TAB2: variants seen among roughly 807,000 people sequenced by gnomAD.
TAB2 encodes the protein TGF-beta activated kinase 1 (MAP3K7) binding protein 2.
TAB2 carries 3 observed loss-of-function variants against 65.0 expected under a neutral mutation model. The observed-to-expected ratio is 0.05, with a 90% confidence interval of 0.02 to 0.12. The LOEUF (loss-of-function observed/expected upper bound fraction) is 0.12, where lower values mean the gene tolerates loss of function less well. Among genes scored for constraint, TAB2 ranks in the 10% least tolerant of loss-of-function variants. The probability of loss-of-function intolerance (pLI) is 1.00; values close to 1 mark genes in which losing one functional copy is unlikely to be tolerated. For synonymous variants in TAB2, 298 were observed against 285.1 expected (o/e 1.05, Z -0.46); for missense variants, 623 against 840.3 (o/e 0.74, Z 3.20).
chr6:149,379,967 T>C (rs754970005), intron 3 of TAB2: 11 of 450,982 alleles, frequency 2.4e-5, no homozygotes, highest in South Asian at 1.6e-4. Flanking sequence ...TGGCTGGGCA[T>C]GGTGGCTCAC....
intron 1 of TAB2, among the ~76,000 whole-genome samples, chr6:149,281,426 T>A (rs1221977384): frequency 6.6e-6 from 1 of 150,404 alleles, no homozygotes; most frequent in African/African-American, 2.4e-5. Flanking sequence ...TCGTAAAAAA[T>A]ACTTGATTAA....
intron 1 of TAB2, among the ~76,000 whole-genome samples, chr6:149,350,448 A>G (rs1404878196): frequency 6.6e-6 from 1 of 152,120 alleles, no homozygotes; most frequent in Non-Finnish European, 1.5e-5. Flanking sequence ...ATTACCGCTA[A>G]TGGCTACTTT....
At chr6:149,319,119 G>A (rs762084095) in intron 1 of TAB2, among the ~76,000 whole-genome samples, 5 of 152,130 alleles carry the variant, frequency 3.3e-5, no homozygotes, top group African/African-American at 7.2e-5. Flanking sequence ...TAATTTTGGG[G>A]TCAGATTGAT....
At chr6:149,401,758 C>G (rs1024681727) in intron 6 of TAB2, among the ~76,000 whole-genome samples, 7 of 151,968 alleles carry the variant, frequency 4.6e-5, no homozygotes, top group Non-Finnish European at 1.0e-4. Context: ...AGATAGAAAT[C>G]ATTCCACGTA....
chr6:149,396,310 T>TGC lies in TAB2; in HGVS notation c.1604-1293_1604-1292dup, dbSNP rs1782168508. Among the ~76,000 whole-genome samples, 7 of 152,334 alleles carry TGC rather than the reference T, an allele frequency of 4.6e-5. No homozygotes were observed. In the South Asian group the frequency reaches 1.5e-3, roughly 32 times the overall value. ...CTGGAGTTACAGGTGTGAGCCACCA[T>TGC]GCCCAGCCTGGAATTTTTTTCTTAG... On this transcript the variant is annotated intron_variant, in intron 3 of 6. Transcript: ENST00000637181.
At chr6:149,271,161 T>C (rs1411024778) in intron 1 of TAB2, among the ~76,000 whole-genome samples, 3 of 152,088 alleles carry the variant, frequency 2.0e-5, no homozygotes, top group Non-Finnish European at 4.4e-5. Flanking sequence ...TGAGCTATGA[T>C]TGCCCCACTG....
chr6:149,312,233 C>T (rs4424115), intron 1 of TAB2, among the ~76,000 whole-genome samples: 66,634 of 152,064 alleles, frequency 0.44, 14,947 homozygotes, highest in Middle Eastern at 0.59. Context: ...ACATTTTGTG[C>T]ACATAAGAGC....
chr6:149,303,488 A>G (rs568054), intron 1 of TAB2, among the ~76,000 whole-genome samples: 55,508 of 152,046 alleles, frequency 0.37, 10,745 homozygotes, highest in African/African-American at 0.5. Context: ...GTGTGTTCAC[A>G]TTATGTATTT....
At chr6:149,304,700 C>T (rs1779030661) in intron 1 of TAB2, among the ~76,000 whole-genome samples, 1 of 152,164 alleles carries the variant, frequency 6.6e-6, no homozygotes, top group African/African-American at 2.4e-5. Context: ...AGCATAGGTA[C>T]ACCATTATCA....
chr6:149,382,647 C>T (rs574620326), intron 3 of TAB2, among the ~76,000 whole-genome samples: 2 of 151,840 alleles, frequency 1.3e-5, no homozygotes, highest in Non-Finnish European at 2.9e-5. Flanking sequence ...ACAATGTTAA[C>T]CACTATCATA....
chr6:149,357,016 C>T (rs1780674729), intron 1 of TAB2, among the ~76,000 whole-genome samples: 1 of 152,076 alleles, frequency 6.6e-6, no homozygotes, highest in South Asian at 2.1e-4. Context: ...TTTCATTCAC[C>T]AGCATTATGA....
At chr6:149,309,883 G>GGT (rs59732519) in intron 1 of TAB2, among the ~76,000 whole-genome samples, 64,936 of 149,312 alleles carry the variant, frequency 0.43, 14,153 homozygotes, top group African/African-American at 0.55. Flanking sequence ...TGTGGGTGTG[G>GGT]GTGTGTGTGT....
chr6:149,287,502 A>AAAAAAG (rs1308221829), intron 1 of TAB2, among the ~76,000 whole-genome samples: 2 of 152,040 alleles, frequency 1.3e-5, no homozygotes, highest in African/African-American at 4.8e-5. Context: ...TTAAAAAGAA[A>AAAAAAG]GTATTAGAAA....
At chr6:149,309,599 G>C (rs145743658) in intron 1 of TAB2, among the ~76,000 whole-genome samples, 1 of 151,520 alleles carries the variant, frequency 6.6e-6, no homozygotes, top group East Asian at 1.9e-4. Context: ...GGGTTTCACC[G>C]TGTTAGCCAG....
intron 1 of TAB2, chr6:149,243,508 A>T (rs1170537911): frequency 6.6e-6 from 1 of 152,246 alleles, no homozygotes; most frequent in African/African-American, 2.4e-5. Flanking sequence ...AATGGAAATA[A>T]GTTTGTACAA....
chr6:149,258,800 A>T (rs1324057245), intron 1 of TAB2, among the ~76,000 whole-genome samples: 2 of 152,212 alleles, frequency 1.3e-5, no homozygotes, highest in Non-Finnish European at 1.5e-5. Context: ...GGCAAAGGGA[A>T]ATTAAGGTTG....
At chr6:149,218,603 A>C (rs1469081351), upstream of TAB2, 3 of 299,066 alleles carry the variant, frequency 1.0e-5, no homozygotes, top group Admixed American at 1.1e-4. Flanking sequence ...GGGTTGAAAG[A>C]CACTCTTATA....
intron 1 of TAB2, among the ~76,000 whole-genome samples, chr6:149,298,636 A>C (rs1475232869): frequency 6.6e-6 from 1 of 152,188 alleles, no homozygotes; most frequent in Non-Finnish European, 1.5e-5. Context: ...TCCACTATTT[A>C]CTACACCTGT....
rs779787451 is a variant in TAB2 at position 149,378,307 on chromosome 6, C to T, written c.392C>T (p.Ala131Val). ...LFQQEPQTAP[A>V]QVPQGFNVFG... The stretch of plus-strand genomic sequence containing the variant: ...CAGCAGGAGCCACAGACAGCACCAG[C>T]TCAAGTTCCTCAAGGCTTTAATGTT... The change falls in exon 3 of 7, where the codon GCT becomes GTT. Residue 131 changes from alanine (A) to valine (V), a missense_variant. Coordinates refer to ENST00000637181, the MANE Select transcript of TAB2 (RefSeq NM_001292034.3). 1.5e-5 allele frequency: 24 copies of T among 1,614,102 alleles called. No individual in the cohort carries two copies. The highest frequency in any genetic ancestry group is 2.0e-5 in the Non-Finnish European group (24 of 1,180,044).
Sources: allele counts gnomAD v4.1 joint callset (sites outside exome capture counted in the v4.1 genomes callset), GRCh38; gene constraint gnomAD v4.1.1; transcripts MANE v1.5; gene names NCBI Gene and HGNC (gene_info 2026-07-23, HGNC 2026-07-21).